The following GPM6B variants were observed in gnomAD, a reference collection of about 807,000 sequenced individuals.
GPM6B encodes neuronal membrane glycoprotein M6-b.
Under a neutral mutation model 27.2 loss-of-function variants are expected in GPM6B, and 4 were observed. The ratio of observed to expected loss-of-function variants is 0.15; its 90% CI spans 0.07 to 0.34. GPM6B has a LOEUF of 0.34. Among genes scored for constraint, GPM6B ranks in the 10% least tolerant of loss-of-function variants. The pLI, the probability that GPM6B is intolerant of heterozygous loss-of-function variation, is 1.00. For missense variants in GPM6B, 183 were observed against 261.9 expected (o/e 0.70, Z 2.08); for synonymous variants, 124 against 103.1 (o/e 1.20, Z -1.23).
upstream of GPM6B, among the ~76,000 whole-genome samples, chrX:13,818,093 C>T (rs1286427303): frequency 8.9e-6 from 1 of 112,219 alleles, no homozygotes; most frequent in Non-Finnish European, 1.9e-5. Flanking sequence ...GGCCAACATT[C>T]TCAACCCATA....
upstream of GPM6B, chrX:13,817,372 A>C: frequency 1.3e-6 from 1 of 752,790 alleles, no homozygotes; most frequent in African/African-American, 2.3e-5. Context: ...ATGCTAATTA[A>C]TTCTCCCAGG....
intron 2 of GPM6B, among the ~76,000 whole-genome samples, chrX:13,805,305 A>AT (rs926366506): frequency 9.0e-5 from 10 of 110,637 alleles, no homozygotes; most frequent in East Asian, 5.6e-4. Context: ...TTGAAAAGTA[A>AT]TTTTTTTTTC....
At chrX:13,783,812 T>C in intron 3 of GPM6B, 2 of 409,292 alleles carry the variant, frequency 4.9e-6, no homozygotes. Context: ...AGAATCCTCA[T>C]TTTGCACATA....
At chrX:13,859,724 T>C (rs1421334056) in intron 1 of GPM6B, among the ~76,000 whole-genome samples, 20 of 111,393 alleles carry the variant, frequency 1.8e-4, no homozygotes. Flanking sequence ...GGAGTCCGGA[T>C]TTGAACCCAG....
chrX:13,928,942 T>C (rs1921342992), intron 1 of GPM6B, among the ~76,000 whole-genome samples: 1 of 111,979 alleles, frequency 8.9e-6, no homozygotes, highest in Non-Finnish European at 1.9e-5. Flanking sequence ...CAGAGATCAA[T>C]GGCTATAGAA....
chrX:13,932,347 G>A (rs929135311), intron 1 of GPM6B, among the ~76,000 whole-genome samples: 10 of 111,900 alleles, frequency 8.9e-5, no homozygotes, highest in African/African-American at 3.2e-4. Context: ...TAAAGTAACT[G>A]CCTCCCTAGG....
At chrX:13,819,348 A>G (rs780755569), upstream of GPM6B, among the ~76,000 whole-genome samples, 8 of 112,243 alleles carry the variant, frequency 7.1e-5, no homozygotes, top group Non-Finnish European at 1.1e-4. Context: ...AGAGAAGAGT[A>G]TTGCTTATTA....
At chrX:13,899,403 C>G (rs1438042272) in intron 1 of GPM6B, among the ~76,000 whole-genome samples, 1 of 34,184 alleles carries the variant, frequency 2.9e-5, no homozygotes, top group Non-Finnish European at 4.1e-5. Context: ...GAGACTCTGT[C>G]TCAAAAAAAA....
At chrX:13,878,390 GGAGT>G (rs1442439784) in intron 1 of GPM6B, among the ~76,000 whole-genome samples, 3 of 110,655 alleles carry the variant, frequency 2.7e-5, no homozygotes, top group African/African-American at 6.6e-5. Flanking sequence ...GAGGGGTCTG[GGAGT>G]GAGAAGCAAG....
At chrX:13,834,416 T>C (rs1179026622) in intron 1 of GPM6B, among the ~76,000 whole-genome samples, 1 of 112,523 alleles carries the variant, frequency 8.9e-6, no homozygotes, top group Admixed American at 9.4e-5. Context: ...GAGAGCACAA[T>C]AGAGAAGACA....
chrX:13,805,934 T>C (rs2049013263), intron 2 of GPM6B, among the ~76,000 whole-genome samples: 1 of 111,203 alleles, frequency 9.0e-6, no homozygotes, highest in Non-Finnish European at 1.9e-5. Flanking sequence ...TGTTAAAAAA[T>C]ACCCCTTTCC....
intron 1 of GPM6B, among the ~76,000 whole-genome samples, chrX:13,933,687 G>A (rs1921690304): frequency 8.9e-6 from 1 of 112,145 alleles, no homozygotes; most frequent in Admixed American, 9.5e-5. Context: ...TGAGTCACTT[G>A]AGAAAATAGT....
chrX:13,779,040 C>G (rs2147115570), intron 5 of GPM6B, among the ~76,000 whole-genome samples: 1 of 111,361 alleles, frequency 9.0e-6, no homozygotes, highest in South Asian at 3.8e-4. Context: ...CCCCCCCACC[C>G]CCGGTTGTTT....
intron 3 of GPM6B, among the ~76,000 whole-genome samples, chrX:13,784,950 T>A (rs1260957021): frequency 9.0e-6 from 1 of 111,515 alleles, no homozygotes; most frequent in African/African-American, 3.3e-5. Context: ...CCAGGGATGG[T>A]CACTTCCTGG....
At chrX:13,922,253 G>A (rs1189617017) in intron 1 of GPM6B, among the ~76,000 whole-genome samples, 1 of 111,173 alleles carries the variant, frequency 9.0e-6, no homozygotes, top group Non-Finnish European at 1.9e-5. Flanking sequence ...AGGACGGTTA[G>A]CAGCAACCCT....
chrX:13,838,764 A>G (rs1046753357), intron 1 of GPM6B, among the ~76,000 whole-genome samples: 9 of 111,390 alleles, frequency 8.1e-5, no homozygotes, highest in African/African-American at 2.9e-4. Context: ...CATCCTACAC[A>G]TGGTCCCTGC....
chrX:13,888,723 G>A (rs1169241823), intron 1 of GPM6B, among the ~76,000 whole-genome samples: 4 of 110,717 alleles, frequency 3.6e-5, no homozygotes, highest in African/African-American at 1.3e-4. Flanking sequence ...GACTAGAAAT[G>A]AAGTAGAAAA....
In GPM6B at chrX:13,830,445, C is replaced by T. The variant is rs144139950; in HGVS notation, c.-197-44637G>A. On this transcript the variant is annotated intron_variant, in intron 1 of 6. Transcript: ENST00000398361. ...TCCAGAAGGAAAGGGAAAGATAGGG[C>T]AACCGAGTTCCTTTTCCTTTCAGTT... Among the ~76,000 whole-genome samples the T allele has an allele frequency of 5.3e-4, 60 of 112,391 alleles. 1 individual carries two copies. The East Asian group carries it at 8.6e-3, about 16-fold the overall frequency.
chrX:13,846,902 G>T (rs1383459944), intron 1 of GPM6B, among the ~76,000 whole-genome samples: 3 of 106,400 alleles, frequency 2.8e-5, no homozygotes, highest in Non-Finnish European at 5.8e-5. Flanking sequence ...ATTTACACAG[G>T]AATCACTTCT....
Sources: gnomAD v4.1 joint callset for allele counts (sites outside exome capture counted in the v4.1 genomes callset) on GRCh38, gnomAD v4.1.1 for gene constraint, MANE v1.5 for transcripts, NCBI Gene and HGNC (gene_info 2026-07-23, HGNC 2026-07-21) for gene names.